The following STAT1 variants were observed in gnomAD, a reference collection of about 807,000 sequenced individuals.
STAT1 encodes signal transducer and activator of transcription 1-alpha/beta.
STAT1 carries 24 observed loss-of-function variants against 111.7 expected under a neutral mutation model. The ratio of observed to expected loss-of-function variants is 0.21; its 90% CI spans 0.16 to 0.30. The LOEUF (loss-of-function observed/expected upper bound fraction) is 0.30. Among genes scored for constraint, STAT1 ranks in the 10% least tolerant of loss-of-function variants. STAT1 has a pLI of 1.00. For missense variants in STAT1, 351 were observed against 911.9 expected (o/e 0.38, Z 7.92); for synonymous variants, 332 against 326.5 (o/e 1.02, Z -0.18).
Position 190,975,988 on chromosome 2 carries a change from C to T in STAT1, c.2060-101G>A. The T allele has an allele frequency of 9.5e-7, 1 of 1,056,266 alleles. No individual in the cohort carries two copies. Among genetic ancestry groups the T allele is most frequent in the Non-Finnish European group, 1.4e-6 (1 of 692,680 alleles). 65.4% of individuals were successfully genotyped at this position (1,056,266 alleles called of 1,614,324 possible). A position where few individuals can be genotyped will look rare whatever the true frequency, so the allele number is the denominator to read the frequency against. On this transcript the variant is annotated intron_variant, in intron 22 of 24. Transcript: ENST00000361099. The surrounding 1 kb of genome is among the most constrained non-coding windows in gnomAD (Gnocchi z 5.9). ...ATTAAAGTTCTACTGTGTTTCTAGA[C>T]AGCTTAGCCTCCTAAAACTTTAAGG...
rs948774023 is a variant in STAT1 at position 190,970,880 on chromosome 2, A to G, written c.2239-163T>C. On this transcript the variant is annotated intron_variant, in intron 24 of 24. Transcript: ENST00000361099. This position sits in a 1 kb window ranked among gnomAD's most constrained non-coding sequence, Gnocchi z 5.4. ...AGAGGGCCTTCAGCATGTACTATGTATTATCCTGGGCTAATCAAGACCTTT... is the reference window on the plus strand; with the variant it reads ...AGAGGGCCTTCAGCATGTACTATGTGTTATCCTGGGCTAATCAAGACCTTT... Among the ~76,000 whole-genome samples the G allele has an allele frequency of 6.6e-6, 1 of 152,252 alleles. No homozygotes were observed. Among genetic ancestry groups the G allele is most frequent in the Non-Finnish European group, 1.5e-5 (1 of 68,042 alleles).
rs985109998 is a variant in STAT1 at position 191,013,505 on chromosome 2, T to G, written c.-2+20A>C. 4.8e-5 allele frequency: 19 copies of G among 397,582 alleles called. No homozygotes were observed. Among genetic ancestry groups the G allele is most frequent in the Non-Finnish European group, 8.4e-5 (19 of 225,776 alleles). The allele number at this position is 397,582 out of a possible 1,614,324, so 24.6% of individuals were successfully genotyped here. On this transcript the variant is annotated intron_variant, in intron 2 of 24. Transcript: ENST00000361099. ...CGAAGTCATGTACTCATTCATCTGA[T>G]TCCATGAACATTTACTGACCTGCCA... is the stretch of plus-strand genomic sequence containing the variant.
intron 15 of STAT1, among the ~76,000 whole-genome samples, chr2:190,985,375 A>C (rs1433511417): frequency 1.3e-5 from 2 of 152,246 alleles, no homozygotes; most frequent in Non-Finnish European, 2.9e-5. Flanking sequence ...AGCCCACAAC[A>C]GCTACTCCAC....
intron 2 of STAT1, chr2:191,010,222 A>C (rs1030387252): frequency 9.5e-6 from 5 of 527,304 alleles, no homozygotes; most frequent in African/African-American, 1.9e-5. Flanking sequence ...ACACATCTTC[A>C]TGTCTTTGCT....
Position 190,978,729 on chromosome 2 carries a change from T to C in STAT1, c.1873+127A>G, listed in dbSNP as rs976825697. On this transcript the variant is annotated intron_variant, in intron 21 of 24. Coordinates refer to ENST00000361099, the MANE Select transcript of STAT1 (RefSeq NM_007315.4). The surrounding 1 kb of genome is among the most constrained non-coding windows in gnomAD (Gnocchi z 6.1). ...TTATTAAATCCTATCGGGGGCTCAT[T>C]TGGGGTAAGTATAAGATCTGCAATT... The C allele has an allele frequency of 1.7e-5, 21 of 1,238,714 alleles. No individual in the cohort carries two copies. The African/African-American group carries it at 1.8e-4, about 11-fold the overall frequency. The allele number at this position is 1,238,714 out of a possible 1,614,324, so 76.7% of individuals were successfully genotyped here.
In STAT1 at chr2:190,995,851, T is replaced by G. The variant is rs147350786; in HGVS notation, c.786-632A>C. 0.011 allele frequency among the ~76,000 whole-genome samples: 1,660 copies of G among 152,040 alleles called. 99 individuals carry two copies. The highest frequency in any genetic ancestry group is 0.091 in the Admixed American group (1,383 of 15,266). On this transcript the variant is annotated intron_variant, in intron 9 of 24. Coordinates refer to ENST00000361099, the MANE Select transcript of STAT1 (RefSeq NM_007315.4). This position sits in a 1 kb window ranked among gnomAD's most constrained non-coding sequence, Gnocchi z 4.2. ...CCACTGAGGCCTATGTGAGGAGAGA[T>G]GGGTGGAGGCAGGGCTTCTAGGTGA...
rs768865422 is a variant in STAT1, at chr2:190,983,620, A to G, written c.1446+22T>C. Reference sequence around the variant, plus strand: ...GGGGTCTCTGCTTAACCCTGGGACCAAAGCAAATGTGTTTTCCATACCCTG... The same window carrying G: ...GGGGTCTCTGCTTAACCCTGGGACCGAAGCAAATGTGTTTTCCATACCCTG... On this transcript the variant is annotated intron_variant, in intron 17 of 24. Transcript: ENST00000361099. The surrounding 1 kb of genome is among the most constrained non-coding windows in gnomAD (Gnocchi z 5.7). 1.2e-6 allele frequency: 2 copies of G among 1,609,756 alleles called. No homozygotes were observed. The highest frequency in any genetic ancestry group is 1.7e-6 in the Non-Finnish European group (2 of 1,176,050).
chr2:190,991,500 C>T (rs1030428228), intron 10 of STAT1, among the ~76,000 whole-genome samples, 180 bp from the exon 11 acceptor site: 1 of 152,134 alleles, frequency 6.6e-6, no homozygotes, highest in African/African-American at 2.4e-5. Context: ...AATCCCAAAA[C>T]CTAATAGGGA....
At chr2:190,972,816 G>GGCGT (rs764237718) in intron 24 of STAT1, among the ~76,000 whole-genome samples, 2 of 136,354 alleles carry the variant, frequency 1.5e-5, no homozygotes, top group East Asian at 4.3e-4. Flanking sequence ...GTGTATAGAG[G>GGCGT]GTGTGTGTGT....
rs1020366127 is a variant in STAT1, at chr2:190,969,519, G to C, written c.*1184C>G. 8 of 151,950 alleles carry C rather than the reference G, an allele frequency of 5.3e-5. No individual in the cohort carries two copies. Among genetic ancestry groups the C allele is most frequent in the African/African-American group, 1.9e-4 (8 of 41,364 alleles). 9.4% of individuals were successfully genotyped at this position (151,950 alleles called of 1,614,324 possible). On this transcript the variant is annotated 3_prime_UTR_variant, in exon 25 of 25. Transcript: ENST00000361099. ...TACTTTTTGTGTCAGTGATAAGGAA[G>C]GAAAAAGGTAAAAATACAGTATACT...
chr2:190,987,111 T>C lies in STAT1; in HGVS notation c.1098-43A>G. 1 of 1,477,472 alleles carries C rather than the reference T, an allele frequency of 6.8e-7. No individual in the cohort carries two copies. Among genetic ancestry groups the C allele is most frequent in the Non-Finnish European group, 9.4e-7 (1 of 1,059,380 alleles). The allele number at this position is 1,477,472 out of a possible 1,614,324, so 91.5% of individuals were successfully genotyped here. On this transcript the variant is annotated intron_variant, in intron 12 of 24. Coordinates refer to ENST00000361099, the MANE Select transcript of STAT1 (RefSeq NM_007315.4). This position sits in a 1 kb window ranked among gnomAD's most constrained non-coding sequence, Gnocchi z 4.0. ...ATAATCACATATGCGTATTTAAAAT[T>C]TGAAATAAGCTTTAACAAAATTATA... is the stretch of plus-strand genomic sequence containing the variant.
rs1444442667 is a variant in STAT1, at chr2:190,976,581, A to C, written c.2059+259T>G. On this transcript the variant is annotated intron_variant, in intron 22 of 24. Coordinates refer to ENST00000361099, the MANE Select transcript of STAT1 (RefSeq NM_007315.4). The surrounding 1 kb of genome is among the most constrained non-coding windows in gnomAD (Gnocchi z 6.0). ...ATTTAAACCCTTTTCATGTGGAAAC[A>C]GTGATAGTAACAAATACACAAGACC... Among the ~76,000 whole-genome samples, 1 of 152,228 alleles carries C rather than the reference A, an allele frequency of 6.6e-6. No homozygotes were observed. The highest frequency in any genetic ancestry group is 1.9e-4 in the East Asian group (1 of 5,202).
chr2:190,992,793 CTTTT>C (rs112075173), intron 10 of STAT1: 68 of 376,372 alleles, frequency 1.8e-4, no homozygotes, highest in Middle Eastern at 1.4e-3. Flanking sequence ...TGCATTCTTT[CTTTT>C]TTTTTTTTTT....
At position 190,970,896 on chromosome 2, in the gene STAT1, C is replaced by A. The variant is rs1691405247; in HGVS notation, c.2239-179G>T. On this transcript the variant is annotated intron_variant, in intron 24 of 24. Transcript: ENST00000361099. This position sits in a 1 kb window ranked among gnomAD's most constrained non-coding sequence, Gnocchi z 5.4. The stretch of plus-strand genomic sequence containing the variant: ...GTACTATGTATTATCCTGGGCTAAT[C>A]AAGACCTTTTATATCACCTAAGCTG... Among the ~76,000 whole-genome samples the A allele has an allele frequency of 6.6e-6, 1 of 152,212 alleles. No homozygotes were observed. The highest frequency in any genetic ancestry group is 1.5e-5 in the Non-Finnish European group (1 of 68,032).
chr2:191,005,493 A>G (rs1694617328), intron 5 of STAT1, among the ~76,000 whole-genome samples: 1 of 152,220 alleles, frequency 6.6e-6, no homozygotes, highest in Non-Finnish European at 1.5e-5. Context: ...AGATACACAA[A>G]TAACATTGTG....
chr2:190,986,829 A>T lies in STAT1; in HGVS notation c.1221+25T>A, dbSNP rs1426240003. 1 of 1,606,932 alleles carries T rather than the reference A, an allele frequency of 6.2e-7. No individual in the cohort carries two copies. On this transcript the variant is annotated intron_variant, in intron 14 of 24. Transcript: ENST00000361099. The surrounding 1 kb of genome is among the most constrained non-coding windows in gnomAD (Gnocchi z 5.0). The stretch of plus-strand genomic sequence containing the variant: ...AAAGTCCTAAGAAACCAGAGACAAC[A>T]TAGAGAGGAAACTGATGTCCCTACC...
chr2:191,011,715 C>G (rs1193163117), intron 2 of STAT1, among the ~76,000 whole-genome samples: 1 of 152,184 alleles, frequency 6.6e-6, no homozygotes, highest in Non-Finnish European at 1.5e-5. Context: ...CTCATGACAT[C>G]TGATGGTTTT....
Position 190,974,862 on chromosome 2 carries a change from G to A in STAT1, c.2206C>T (p.Arg736Trp). ...MSPEEFDEVS[R>W]IVGSVEFDSM... ...TCGAATTCTACAGAGCCCACTATCC[G>A]AGACACCTCGTCAAACTCCTCAGGA... Residue 736 changes from arginine (R) to tryptophan (W), a missense_variant, in exon 24 of 25, where the codon CGG becomes TGG. This residue lies in a region of STAT1 where 181 missense variants were observed against 426.1 expected (regional missense o/e 0.42). Transcript: ENST00000361099. This position sits in a 1 kb window ranked among gnomAD's most constrained non-coding sequence, Gnocchi z 4.8. 6.2e-7 allele frequency: 1 copy of A among 1,614,166 alleles called. No homozygotes were observed. The highest frequency in any genetic ancestry group is 1.6e-4 in the Middle Eastern group (1 of 6,062).
chr2:190,994,936 A>C (rs1169494156), intron 10 of STAT1, 125 bp downstream of exon 10: 1 of 167,970 alleles, frequency 6.0e-6, no homozygotes. Context: ...AAATATATAT[A>C]TATATATATA....
Sources: allele counts gnomAD v4.1 joint callset (sites outside exome capture counted in the v4.1 genomes callset), GRCh38; gene constraint gnomAD v4.1.1; regional missense constraint gnomAD v4.1.1; non-coding constraint Gnocchi (gnomAD v3.1); transcripts MANE v1.5; gene names NCBI Gene and HGNC (gene_info 2026-07-23, HGNC 2026-07-21).